SNX13: variants seen among roughly 807,000 people sequenced by gnomAD.
The protein encoded by SNX13 is sorting nexin 13.
In SNX13, 45 loss-of-function variants were observed where a neutral mutation model predicts 133.6. That is an observed-to-expected ratio of 0.34 (90% CI 0.27 to 0.43). The LOEUF is 0.43. Ranked by LOEUF, SNX13 falls within the 20% of genes least tolerant of loss-of-function variation. The pLI is 1.00. For synonymous variants in SNX13, 414 were observed against 373.9 expected (o/e 1.11, Z -1.24); for missense variants, 1,032 against 1,145.1 (o/e 0.90, Z 1.43).
At chr7:17,875,437 C>A in intron 7 of SNX13, 43 bp downstream of exon 7, 3 of 1,537,374 alleles carry the variant, frequency 2.0e-6, no homozygotes, top group Admixed American at 1.8e-5. Flanking sequence ...TAACTTGACT[C>A]TAGCCAGCTA....
In SNX13 at chr7:17,897,192, T is replaced by C. The variant is rs146092628; in HGVS notation, c.125+142A>G. ...ATCACTGTTTTTATTTTTATGGGTA[T>C]CCTTATTTTTTTAACTTTAGTAAAA... On this transcript the variant is annotated intron_variant, in intron 2 of 25. Transcript: ENST00000428135. The C allele has an allele frequency of 1.4e-3, 576 of 420,676 alleles. 6 individuals are homozygous for C. Among genetic ancestry groups the C allele is most frequent in the African/African-American group, 0.01 (506 of 48,796 alleles). 26.1% of individuals were successfully genotyped at this position (420,676 alleles called of 1,614,324 possible). A position where few individuals can be genotyped will look rare whatever the true frequency, so the allele number is the denominator to read the frequency against.
At chr7:17,904,762 ATAAG>A (rs1466555760) in intron 1 of SNX13, among the ~76,000 whole-genome samples, 5 of 152,212 alleles carry the variant, frequency 3.3e-5, no homozygotes, top group African/African-American at 1.2e-4. Flanking sequence ...AACAATAAAA[ATAAG>A]TAGCCATAAG....
At chr7:17,910,108 C>T (rs745580074) in intron 1 of SNX13, among the ~76,000 whole-genome samples, 1 of 152,130 alleles carries the variant, frequency 6.6e-6, no homozygotes, top group African/African-American at 2.4e-5. Context: ...TAACATAACT[C>T]CTTCAAAGTA....
chr7:17,870,616 G>C (rs1793973659), intron 8 of SNX13, among the ~76,000 whole-genome samples: 1 of 152,188 alleles, frequency 6.6e-6, no homozygotes, highest in Non-Finnish European at 1.5e-5. Flanking sequence ...TCTTCAAGAA[G>C]CTGCAGTAGC....
chr7:17,884,790 C>A lies in SNX13; in HGVS notation c.440+5573G>T, dbSNP rs371843870. On this transcript the variant is annotated intron_variant, in intron 5 of 25. Coordinates refer to ENST00000428135, the MANE Select transcript of SNX13 (RefSeq NM_015132.5). ...AAAGATGCTCGATATCACTAGCTATCAGGGAAATGCAGATTCAAACGATAA... is the reference window on the plus strand; with the variant it reads ...AAAGATGCTCGATATCACTAGCTATAAGGGAAATGCAGATTCAAACGATAA... 1.2e-4 allele frequency among the ~76,000 whole-genome samples: 19 copies of A among 152,234 alleles called. No individual in the cohort carries two copies. The East Asian group carries it at 3.3e-3, about 26-fold the overall frequency.
chr7:17,880,170 C>T (rs1795181341), intron 5 of SNX13: 1 of 152,172 alleles, frequency 6.6e-6, no homozygotes, highest in African/African-American at 2.4e-5. Context: ...TCCTACACTG[C>T]AAAACCTATG....
chr7:17,831,132 G>A (rs1788439534), intron 15 of SNX13: 4 of 984,162 alleles, frequency 4.1e-6, no homozygotes, highest in South Asian at 4.7e-5. Flanking sequence ...CAAGTTAAAG[G>A]AGAATTTGGG....
At chr7:17,920,157 G>C (rs1799973192) in intron 1 of SNX13, among the ~76,000 whole-genome samples, 1 of 152,134 alleles carries the variant, frequency 6.6e-6, no homozygotes, top group Non-Finnish European at 1.5e-5. Flanking sequence ...ACGCAAAATA[G>C]ACTAATGTTT....
At chr7:17,834,338 C>G (rs1435600607) in intron 14 of SNX13, among the ~76,000 whole-genome samples, 154 bp from the exon 15 acceptor site, 1 of 151,684 alleles carries the variant, frequency 6.6e-6, no homozygotes, top group Non-Finnish European at 1.5e-5. Flanking sequence ...CTAATGATTT[C>G]CTCTGATCCC....
intron 1 of SNX13, among the ~76,000 whole-genome samples, chr7:17,903,739 T>C (rs1056381874): frequency 7.9e-5 from 12 of 152,150 alleles, no homozygotes; most frequent in African/African-American, 1.2e-4. Context: ...CAGCTGACAA[T>C]TGTCTTAAAA....
intron 1 of SNX13, chr7:17,899,893 G>A (rs1296418485): frequency 6.6e-6 from 1 of 152,152 alleles, no homozygotes; most frequent in East Asian, 1.9e-4. Context: ...ACATTGAAGA[G>A]TTAGGCATTT....
At chr7:17,879,556 G>A (rs1233529051) in intron 5 of SNX13, 2 of 152,226 alleles carry the variant, frequency 1.3e-5, no homozygotes, top group Non-Finnish European at 2.9e-5. Flanking sequence ...TCCTTAAAGT[G>A]TTAAAGTAGA....
At chr7:17,829,165 G>C (rs1189575349) in intron 16 of SNX13, among the ~76,000 whole-genome samples, 1 of 151,498 alleles carries the variant, frequency 6.6e-6, no homozygotes, top group African/African-American at 2.4e-5. Flanking sequence ...TAACACCTAA[G>C]ACGACTAACC....
At chr7:17,836,963 AAT>A (rs2128313682) in intron 13 of SNX13, among the ~76,000 whole-genome samples, 1 of 152,028 alleles carries the variant, frequency 6.6e-6, no homozygotes, top group East Asian at 1.9e-4. Flanking sequence ...TTCCTTCTCT[AAT>A]ACTTTTCTGA....
At chr7:17,927,456 T>C (rs1800892721) in intron 1 of SNX13, among the ~76,000 whole-genome samples, 1 of 152,198 alleles carries the variant, frequency 6.6e-6, no homozygotes, top group East Asian at 1.9e-4. Context: ...CTGCCCAGGC[T>C]GGTCTAGAAC....
intron 3 of SNX13, among the ~76,000 whole-genome samples, chr7:17,892,462 G>A (rs1383044670): frequency 6.7e-6 from 1 of 150,314 alleles, no homozygotes; most frequent in Middle Eastern, 3.2e-3. Context: ...CTAAGAAATG[G>A]TTCAAAAAAG....
chr7:17,871,755 C>A (rs1302135965), intron 8 of SNX13, among the ~76,000 whole-genome samples: 1 of 152,110 alleles, frequency 6.6e-6, no homozygotes, highest in African/African-American at 2.4e-5. Context: ...GGTCCTAAAC[C>A]GAGGTCACTT....
chr7:17,910,756 A>G (rs189402306), intron 1 of SNX13, among the ~76,000 whole-genome samples: 71 of 152,332 alleles, frequency 4.7e-4, no homozygotes, highest in African/African-American at 1.6e-3. Flanking sequence ...AATATGAATG[A>G]GCTTAAAAAA....
At position 17,791,958 on chromosome 7, in the gene SNX13, A is replaced by G. The variant is rs1783588409; in HGVS notation, c.*2087T>C. 6.6e-6 allele frequency: 1 copy of G among 152,102 alleles called. No homozygotes were observed. The highest frequency in any genetic ancestry group is 1.5e-5 in the Non-Finnish European group (1 of 67,974). The allele number at this position is 152,102 out of a possible 1,614,324, so 9.4% of individuals were successfully genotyped here. On this transcript the variant is annotated 3_prime_UTR_variant, in exon 26 of 26. Transcript: ENST00000428135. ...TTACTTTAAAAATCCATTTACTCAA[A>G]TAGTTTTTGGTATGATTGCAGTTAT...
Sources: allele counts gnomAD v4.1 joint callset (sites outside exome capture counted in the v4.1 genomes callset), GRCh38; gene constraint gnomAD v4.1.1; transcripts MANE v1.5; gene names NCBI Gene and HGNC (gene_info 2026-07-23, HGNC 2026-07-21).